Variants in GALNT12 observed in about 807,000 individuals in gnomAD.
GALNT12 encodes polypeptide N-acetylgalactosaminyltransferase 12.
In GALNT12, 45 loss-of-function variants were observed where a neutral mutation model predicts 55.5. The ratio of observed to expected loss-of-function variants is 0.81; its 90% CI spans 0.64 to 1.04. GALNT12 has a LOEUF of 1.04. Among genes scored for constraint, GALNT12 ranks in the 50% least tolerant of loss-of-function variants. GALNT12 has a pLI of 0.00. For synonymous variants in GALNT12, 304 were observed against 312.2 expected, an observed-to-expected ratio of 0.97 and a Z score of 0.28; for missense variants, 709 against 754.8, an observed-to-expected ratio of 0.94 and a Z score of 0.71.
At chr9:98,820,385 T>C (rs570260243) in intron 1 of GALNT12, among the ~76,000 whole-genome samples, 28 of 152,318 alleles carry the variant, frequency 1.8e-4, no homozygotes, top group African/African-American at 5.8e-4. Context: ...CTGAGGATGA[T>C]GGCTTCTAGC....
chr9:98,845,826 G>T (rs1333816376), intron 8 of GALNT12, 151 bp from the exon 9 acceptor site: 3 of 791,240 alleles, frequency 3.8e-6, no homozygotes, highest in African/African-American at 1.7e-5. Flanking sequence ...TGTGGGATGC[G>T]GAGGAACCCA....
At chr9:98,834,238 C>T (rs1456044415) in intron 4 of GALNT12, among the ~76,000 whole-genome samples, 1 of 152,142 alleles carries the variant, frequency 6.6e-6, no homozygotes, top group Non-Finnish European at 1.5e-5. Context: ...CCTGCCTCAG[C>T]CTCCTGAGTA....
intron 1 of GALNT12, among the ~76,000 whole-genome samples, chr9:98,817,256 G>A (rs956195827): frequency 3.4e-4 from 52 of 152,290 alleles, no homozygotes; most frequent in African/African-American, 1.1e-3. Flanking sequence ...GTGAGCTACC[G>A]CGCCTAGCCT....
At position 98,807,717 on chromosome 9, in the gene GALNT12, C is replaced by G. The variant is rs1835404781; in HGVS notation, c.19C>G (p.Arg7Gly). The G allele has an allele frequency of 2.6e-6, 3 of 1,174,734 alleles. No individual in the cohort carries two copies. The highest frequency in any genetic ancestry group is 3.3e-5 in the African/African-American group (2 of 61,142). 72.8% of individuals were successfully genotyped at this position (1,174,734 alleles called of 1,614,324 possible). MWGRTA[R>G]RRCPRELRRG... ...CGGGCGCATGTGGGGGCGCACGGCG[C>G]GGCGGCGCTGCCCGCGGGAACTGCG... Residue 7 changes from arginine to glycine, a missense_variant, in exon 1 of 10, where the codon CGG (arginine) becomes GGG (glycine). Transcript: ENST00000375011.
At chr9:98,848,842 A>G in intron 9 of GALNT12, 110 bp from the exon 10 acceptor site, 3 of 1,299,632 alleles carry the variant, frequency 2.3e-6, no homozygotes, top group Admixed American at 3.8e-5. Context: ...CTTACCCCTC[A>G]ATAAATATTT....
chr9:98,820,086 C>CT (rs1427371845), intron 1 of GALNT12, among the ~76,000 whole-genome samples: 1 of 152,100 alleles, frequency 6.6e-6, no homozygotes, highest in South Asian at 2.1e-4. Context: ...TAGCACTTGT[C>CT]TTTTTTTCCC....
chr9:98,811,695 T>G lies in GALNT12; in HGVS notation c.371+3626T>G, dbSNP rs1010651681. On this transcript the variant is annotated intron_variant, in intron 1 of 9. Transcript: ENST00000375011. ...TCTCGAAGTCGTTCTTTTTTTTTTTTTTTTTGAGATGGAGTCTTGCTATGT... is the reference window on the plus strand; with the variant it reads ...TCTCGAAGTCGTTCTTTTTTTTTTTGTTTTTGAGATGGAGTCTTGCTATGT... Among the ~76,000 whole-genome samples, 132 of 151,276 alleles carry G rather than the reference T, an allele frequency of 8.7e-4. No homozygotes were observed. In the Middle Eastern group the frequency reaches 0.01, roughly 12 times the overall value.
At chr9:98,845,815 CT>C (rs757676667) in intron 8 of GALNT12, among the ~76,000 whole-genome samples, 161 bp from the exon 9 acceptor site, 2 of 152,162 alleles carry the variant, frequency 1.3e-5, no homozygotes, top group African/African-American at 2.4e-5. Context: ...TCACTGAGGG[CT>C]GTGGGATGCG....
At chr9:98,810,938 G>A (rs978753340) in intron 1 of GALNT12, among the ~76,000 whole-genome samples, 1 of 152,170 alleles carries the variant, frequency 6.6e-6, no homozygotes, top group Admixed American at 6.5e-5. Flanking sequence ...TAGTAGTATA[G>A]TATGACTAGC....
At chr9:98,839,673 C>T (rs541347408) in intron 6 of GALNT12, among the ~76,000 whole-genome samples, 5 of 152,172 alleles carry the variant, frequency 3.3e-5, no homozygotes, top group East Asian at 3.9e-4. Flanking sequence ...GTCACAGGTC[C>T]GGGATCCATA....
At chr9:98,824,623 G>A (rs1023695106) in intron 2 of GALNT12, among the ~76,000 whole-genome samples, 1 of 152,192 alleles carries the variant, frequency 6.6e-6, no homozygotes, top group African/African-American at 2.4e-5. Context: ...GGTAAGCCAG[G>A]CTGGGGTTTG....
intron 1 of GALNT12, among the ~76,000 whole-genome samples, chr9:98,812,328 C>T (rs778077880): frequency 4.0e-5 from 6 of 151,848 alleles, no homozygotes; most frequent in East Asian, 3.9e-4. Flanking sequence ...TGGTGGCTCA[C>T]GCCTATAATC....
At chr9:98,822,790 C>T (rs1835773273) in intron 1 of GALNT12, among the ~76,000 whole-genome samples, 1 of 152,100 alleles carries the variant, frequency 6.6e-6, no homozygotes, top group Admixed American at 6.5e-5. Flanking sequence ...GAGACAGCAA[C>T]TGCCCAAGAT....
intron 1 of GALNT12, among the ~76,000 whole-genome samples, chr9:98,818,652 A>C (rs1198405255): frequency 6.6e-6 from 1 of 152,108 alleles, no homozygotes; most frequent in African/African-American, 2.4e-5. Context: ...ACAGTTCCTC[A>C]GTCTCTCATG....
intron 3 of GALNT12, among the ~76,000 whole-genome samples, chr9:98,831,396 C>T (rs1194417244): frequency 6.6e-6 from 1 of 152,152 alleles, no homozygotes; most frequent in Non-Finnish European, 1.5e-5. Flanking sequence ...ACCCTTTGGT[C>T]TGGGTGCACC....
chr9:98,840,615 G>C (rs12006107), intron 7 of GALNT12, among the ~76,000 whole-genome samples: 2,063 of 152,308 alleles, frequency 0.014, 34 homozygotes, highest in African/African-American at 0.047. Flanking sequence ...CACCAGCTTA[G>C]CAAGGTCTCC....
At chr9:98,835,865 A>G (rs1836130146) in intron 5 of GALNT12, among the ~76,000 whole-genome samples, 3 of 152,088 alleles carry the variant, frequency 2.0e-5, no homozygotes, top group Non-Finnish European at 4.4e-5. Flanking sequence ...CCTCCCGAGT[A>G]GCTGGGATTA....
In GALNT12 at chr9:98,825,319, G is replaced by A. The variant is rs1047265806; in HGVS notation, c.542-1433G>A. Among the ~76,000 whole-genome samples the A allele has an allele frequency of 4.6e-5, 7 of 152,214 alleles. No homozygotes were observed. The South Asian group carries it at 1.4e-3, about 32-fold the overall frequency. ...GTAGAAATTCCTCTGACACATCTCAGTTCTCTCATAAAAATGTGAGGCAGT... is the reference window on the plus strand; with the variant it reads ...GTAGAAATTCCTCTGACACATCTCAATTCTCTCATAAAAATGTGAGGCAGT... On this transcript the variant is annotated intron_variant, in intron 2 of 9. Transcript: ENST00000375011.
chr9:98,833,392 G>C (rs1254103193), intron 4 of GALNT12, among the ~76,000 whole-genome samples: 1 of 152,184 alleles, frequency 6.6e-6, no homozygotes, highest in African/African-American at 2.4e-5. Context: ...AGAGTGTCCA[G>C]AGATAAGGCT....
Sources: allele counts gnomAD v4.1 joint callset (sites outside exome capture counted in the v4.1 genomes callset), GRCh38; gene constraint gnomAD v4.1.1; transcripts MANE v1.5; gene names NCBI Gene and HGNC (gene_info 2026-07-23, HGNC 2026-07-21).